The following OSBPL6 variants were observed in gnomAD, a reference collection of about 807,000 sequenced individuals.
OSBPL6 encodes oxysterol-binding protein-related protein 6.
OSBPL6 carries 49 observed loss-of-function variants against 125.8 expected under a neutral mutation model. That is an observed-to-expected ratio of 0.39 (90% CI 0.31 to 0.49). The LOEUF (loss-of-function observed/expected upper bound fraction) is 0.49. Ranked by LOEUF, OSBPL6 falls within the 20% of genes least tolerant of loss-of-function variation. OSBPL6 has a pLI of 0.88. For missense variants in OSBPL6, 986 were observed against 1,135.4 expected (o/e 0.87, Z 1.89); for synonymous variants, 394 against 391.8 (o/e 1.01, Z -0.07).
At chr2:178,195,569 G>T (rs1284665721) in intron 1 of OSBPL6, among the ~76,000 whole-genome samples, 1 of 152,214 alleles carries the variant, frequency 6.6e-6, no homozygotes, top group African/African-American at 2.4e-5. Context: ...ACCAGATACT[G>T]ATTTTGTGAC....
upstream of OSBPL6, among the ~76,000 whole-genome samples, chr2:178,193,995 C>T (rs1245643748): frequency 6.6e-6 from 1 of 152,236 alleles, no homozygotes; most frequent in African/African-American, 2.4e-5. Context: ...GGTTTGGCAG[C>T]CCCGAGCGGA....
At chr2:178,281,497 G>A (rs543646585) in intron 1 of OSBPL6, among the ~76,000 whole-genome samples, 1 of 152,240 alleles carries the variant, frequency 6.6e-6, no homozygotes, top group Non-Finnish European at 1.5e-5. Context: ...TGGCTAGCCA[G>A]TTCTCCCAGC....
At chr2:178,268,819 A>G (rs2092309073) in intron 1 of OSBPL6, among the ~76,000 whole-genome samples, 1 of 151,752 alleles carries the variant, frequency 6.6e-6, no homozygotes, top group Non-Finnish European at 1.5e-5. Flanking sequence ...GCATTGAGGC[A>G]GGTTCACATC....
intron 3 of OSBPL6, among the ~76,000 whole-genome samples, chr2:178,323,300 C>T (rs1039617472): frequency 2.0e-5 from 3 of 152,038 alleles, no homozygotes; most frequent in African/African-American, 7.2e-5. Flanking sequence ...GTTAACTATT[C>T]GTGTACTTCA....
At chr2:178,250,466 T>A in intron 1 of OSBPL6, among the ~76,000 whole-genome samples, 1 of 152,174 alleles carries the variant, frequency 6.6e-6, no homozygotes, top group East Asian at 1.9e-4. Flanking sequence ...GCAGCTCTAA[T>A]CTTTCACTCC....
At position 178,361,795 on chromosome 2, in the gene OSBPL6, C is replaced by T; in HGVS notation, c.1267C>T (p.Leu423Phe). Reference sequence around the variant, plus strand: ...AGGCCACAGCACGCAGATGGCACGGCTCCGACAGTCACTGTCTCAGGTAGG... The same window carrying T: ...AGGCCACAGCACGCAGATGGCACGGTTCCGACAGTCACTGTCTCAGGTAGG... ...SKGHSTQMARLRQSLSQALNQ... is the reference protein window; with the variant it reads ...SKGHSTQMARFRQSLSQALNQ... Residue 423 changes from leucine (L) to phenylalanine (F), a missense_variant, in exon 13 of 25, where the codon CTC (leucine) becomes TTC (phenylalanine). Physicochemically the swap from Leu to Phe is conservative, Grantham distance 22. Coordinates refer to ENST00000190611, the MANE Select transcript of OSBPL6 (RefSeq NM_032523.4). 6.2e-7 allele frequency: 1 copy of T among 1,614,082 alleles called. No individual in the cohort carries two copies. The highest frequency in any genetic ancestry group is 8.5e-7 in the Non-Finnish European group (1 of 1,179,996).
intron 3 of OSBPL6, among the ~76,000 whole-genome samples, chr2:178,317,995 C>G (rs1391026702): frequency 6.6e-6 from 1 of 152,130 alleles, no homozygotes; most frequent in Non-Finnish European, 1.5e-5. Context: ...TGCTTATACT[C>G]TGGTTGCTGT....
intron 23 of OSBPL6, among the ~76,000 whole-genome samples, 167 bp from the exon 24 acceptor site, chr2:178,394,146 C>T (rs1695649373): frequency 1.3e-5 from 2 of 152,188 alleles, no homozygotes; most frequent in African/African-American, 4.8e-5. Flanking sequence ...TTGCAGTGAG[C>T]TGAGATCACA....
chr2:178,298,706 G>GTTTTTTTTTTTTTTT (rs760113201), intron 2 of OSBPL6, among the ~76,000 whole-genome samples: 3 of 134,632 alleles, frequency 2.2e-5, no homozygotes, highest in African/African-American at 2.7e-5. Flanking sequence ...TTTTTTTTTT[G>GTTTTTTTTTTTTTTT]TTTTTTTTTT....
intron 11 of OSBPL6, among the ~76,000 whole-genome samples, chr2:178,343,564 A>G (rs1690418646): frequency 6.6e-6 from 1 of 152,174 alleles, no homozygotes; most frequent in Admixed American, 6.5e-5. Context: ...ATAGGTGCAC[A>G]TTACTAAATG....
At chr2:178,247,016 AC>A (rs1491121004) in intron 1 of OSBPL6, among the ~76,000 whole-genome samples, 2 of 43,182 alleles carry the variant, frequency 4.6e-5, no homozygotes, top group African/African-American at 1.8e-4. Flanking sequence ...GCCCCTCCCC[AC>A]CCCCCCATGT....
chr2:178,247,017 C>T (rs114413639), intron 1 of OSBPL6, among the ~76,000 whole-genome samples: 1 of 59,324 alleles, frequency 1.7e-5, no homozygotes, highest in Non-Finnish European at 2.9e-5. Context: ...CCCCTCCCCA[C>T]CCCCCCATGT....
chr2:178,344,183 A>T, intron 11 of OSBPL6: 1 of 1,018,552 alleles, frequency 9.8e-7, no homozygotes, highest in Non-Finnish European at 1.5e-6. Flanking sequence ...GACTTCAGTT[A>T]AAAACTCTCC....
At chr2:178,269,193 G>A (rs1382160495) in intron 1 of OSBPL6, among the ~76,000 whole-genome samples, 1 of 152,196 alleles carries the variant, frequency 6.6e-6, no homozygotes, top group Non-Finnish European at 1.5e-5. Flanking sequence ...GGCAGGACAT[G>A]AGGGGATGGG....
At chr2:178,388,345 C>A (rs113819416) in intron 20 of OSBPL6, among the ~76,000 whole-genome samples, 1,571 of 152,284 alleles carry the variant, frequency 0.01, 28 homozygotes, top group African/African-American at 0.035. Context: ...CTTCAGTGCA[C>A]ACTCTGTGGT....
chr2:178,371,938 A>G (rs901410388), intron 13 of OSBPL6, among the ~76,000 whole-genome samples, 188 bp from the exon 14 acceptor site: 3 of 152,198 alleles, frequency 2.0e-5, no homozygotes, highest in Non-Finnish European at 2.9e-5. Flanking sequence ...CTTATTTTAT[A>G]AAAAATGAAT....
At chr2:178,266,136 G>C (rs1270255494) in intron 1 of OSBPL6, among the ~76,000 whole-genome samples, 1 of 152,202 alleles carries the variant, frequency 6.6e-6, no homozygotes, top group African/African-American at 2.4e-5. Context: ...GAGTAACATG[G>C]TGTGGGATGA....
chr2:178,390,926 T>G (rs1695350715), intron 21 of OSBPL6, 147 bp from the exon 22 acceptor site: 1 of 968,276 alleles, frequency 1.0e-6, no homozygotes, highest in East Asian at 2.6e-5. Context: ...AAGCCAGCCC[T>G]CCATATAAAA....
chr2:178,345,324 T>C (rs182256836), intron 11 of OSBPL6, among the ~76,000 whole-genome samples: 1 of 152,340 alleles, frequency 6.6e-6, no homozygotes, highest in Non-Finnish European at 1.5e-5. Context: ...AAGTTTTGGC[T>C]GCATTGCAGG....
Sources: allele counts gnomAD v4.1 joint callset (sites outside exome capture counted in the v4.1 genomes callset), GRCh38; gene constraint gnomAD v4.1.1; transcripts MANE v1.5; gene names NCBI Gene and HGNC (gene_info 2026-07-23, HGNC 2026-07-21).